The following HDAC9 variants were observed in gnomAD, a reference collection of about 807,000 sequenced individuals.
HDAC9 encodes MEF-2 interacting transcription repressor (MITR) protein.
In HDAC9, 41 loss-of-function variants were observed where a neutral mutation model predicts 139.4. The observed-to-expected ratio is 0.29, with a 90% CI of 0.23 to 0.38. HDAC9 has a LOEUF of 0.38. Ranked by LOEUF, HDAC9 falls within the 10% of genes least tolerant of loss-of-function variation. HDAC9 has a pLI of 1.00. For missense variants in HDAC9, 1,147 were observed against 1,297.0 expected (o/e 0.88, Z 1.78); for synonymous variants, 517 against 476.2 (o/e 1.09, Z -1.12).
chr7:18,596,023 A>G (rs1428795286), intron 6 of HDAC9, among the ~76,000 whole-genome samples: 1 of 152,090 alleles, frequency 6.6e-6, no homozygotes, highest in African/African-American at 2.4e-5. Context: ...ACAAATATGC[A>G]AGACATTTTC....
At chr7:18,108,287 G>A (rs1172246549) in intron 1 of HDAC9, among the ~76,000 whole-genome samples, 1 of 152,160 alleles carries the variant, frequency 6.6e-6, no homozygotes, top group African/African-American at 2.4e-5. Flanking sequence ...GCAATGACCA[G>A]GGAGTGTGGG....
At position 18,975,906 on chromosome 7, in the gene HDAC9, C is replaced by G. The variant is rs2129337898; in HGVS notation, c.3123C>G (p.Ala1041=). The G allele has an allele frequency of 6.2e-7, 1 of 1,613,892 alleles. No homozygotes were observed. Among genetic ancestry groups the G allele is most frequent in the Non-Finnish European group, 8.5e-7 (1 of 1,179,842 alleles). Reference sequence around the variant, plus strand: ...AGACAGAGACCGTTTCTGCCCTGGCCTCCCTAACAGTGGATGTGGAACAGC... The same window carrying G: ...AGACAGAGACCGTTTCTGCCCTGGCGTCCCTAACAGTGGATGTGGAACAGC... The part of the protein sequence containing the change: ...QEETETVSAL[A]SLTVDVEQPF... The change falls in exon 25 of 26, where the codon GCC becomes GCG. Residue 1041 remains alanine, a synonymous_variant. Transcript: ENST00000686413.
intron 2 of HDAC9, among the ~76,000 whole-genome samples, chr7:18,228,027 T>A (rs867777298): frequency 6.6e-6 from 1 of 152,170 alleles, no homozygotes; most frequent in African/African-American, 2.4e-5. Flanking sequence ...CCAGAATAAA[T>A]CAAAATAAAT....
chr7:18,706,064 C>T lies in HDAC9; in HGVS notation c.1732-21516C>T, dbSNP rs944795150. On this transcript the variant is annotated intron_variant, in intron 12 of 25. Transcript: ENST00000686413. Reference sequence around the variant, plus strand: ...ACGTGAATCCTTTCCCCAGTCTTTCCCACATGAATAGAAAATGTCCCATCT... The same window carrying T: ...ACGTGAATCCTTTCCCCAGTCTTTCTCACATGAATAGAAAATGTCCCATCT... Among the ~76,000 whole-genome samples, 46 of 151,622 alleles carry T rather than the reference C, an allele frequency of 3.0e-4. No homozygotes were observed. In the Middle Eastern group the frequency reaches 0.01, roughly 34 times the overall value.
chr7:18,549,614 T>A (rs947539636), intron 2 of HDAC9, among the ~76,000 whole-genome samples: 1 of 152,216 alleles, frequency 6.6e-6, no homozygotes, highest in Admixed American at 6.5e-5. Flanking sequence ...AACTTCCTGA[T>A]TTTGATATTG....
At chr7:18,644,616 T>C in intron 8 of HDAC9, 55 bp from the exon 9 acceptor site, 3 of 1,503,176 alleles carry the variant, frequency 2.0e-6, no homozygotes, top group Non-Finnish European at 2.7e-6. Flanking sequence ...GAGAACATTT[T>C]ACAGTAAAAT....
At chr7:18,605,222 TACAGA>T (rs1368941059) in intron 6 of HDAC9, among the ~76,000 whole-genome samples, 1 of 152,190 alleles carries the variant, frequency 6.6e-6, no homozygotes, top group Non-Finnish European at 1.5e-5. Flanking sequence ...ACTGTTATAA[TACAGA>T]ACCTGGTTGA....
intron 2 of HDAC9, among the ~76,000 whole-genome samples, chr7:18,519,273 C>T (rs962109268): frequency 6.6e-6 from 1 of 152,180 alleles, no homozygotes; most frequent in African/African-American, 2.4e-5. Context: ...TAATTGTTGA[C>T]TTGGTATTCT....
At chr7:18,908,799 T>A (rs1802496869) in intron 22 of HDAC9, among the ~76,000 whole-genome samples, 1 of 152,142 alleles carries the variant, frequency 6.6e-6, no homozygotes, top group African/African-American at 2.4e-5. Flanking sequence ...TCTCTATCCA[T>A]TCATCCATTA....
chr7:18,533,850 A>T (rs1199417485), intron 2 of HDAC9, among the ~76,000 whole-genome samples: 1 of 152,164 alleles, frequency 6.6e-6, no homozygotes, highest in Admixed American at 6.5e-5. Context: ...TTTCAGGTAG[A>T]TTTAGTTCAC....
At chr7:18,417,523 A>G (rs1233478100) in intron 1 of HDAC9, among the ~76,000 whole-genome samples, 3 of 152,094 alleles carry the variant, frequency 2.0e-5, no homozygotes, top group Non-Finnish European at 2.9e-5. Flanking sequence ...TCATACTCCT[A>G]TGAATCTTAG....
intron 24 of HDAC9, among the ~76,000 whole-genome samples, chr7:18,970,309 A>T (rs563491720): frequency 6.6e-6 from 1 of 152,130 alleles, no homozygotes; most frequent in East Asian, 1.9e-4. Flanking sequence ...GGTTCAGATA[A>T]TCAATATAAA....
At chr7:18,850,228 T>C (rs946038628) in intron 21 of HDAC9, among the ~76,000 whole-genome samples, 1 of 152,186 alleles carries the variant, frequency 6.6e-6, no homozygotes, top group Admixed American at 6.6e-5. Flanking sequence ...AAAAATACTT[T>C]CCTTGAATAG....
intron 2 of HDAC9, among the ~76,000 whole-genome samples, chr7:18,574,469 A>T (rs1460412105): frequency 6.6e-6 from 1 of 152,032 alleles, no homozygotes; most frequent in African/African-American, 2.4e-5. Flanking sequence ...ATAAGTTCTC[A>T]CTCTGGTCCA....
chr7:18,951,839 A>G (rs1191986201), intron 23 of HDAC9, among the ~76,000 whole-genome samples: 2 of 151,920 alleles, frequency 1.3e-5, no homozygotes, highest in Non-Finnish European at 2.9e-5. Flanking sequence ...AGATGTTGTT[A>G]GTGCCTATAA....
intron 25 of HDAC9, among the ~76,000 whole-genome samples, chr7:18,990,546 C>T (rs1042513658): frequency 6.6e-6 from 1 of 152,248 alleles, no homozygotes; most frequent in Non-Finnish European, 1.5e-5. Context: ...TAGAGGCAGG[C>T]AGGCCTCCTT....
intron 2 of HDAC9, among the ~76,000 whole-genome samples, chr7:18,214,388 C>T (rs1040674525): frequency 9.9e-5 from 15 of 152,190 alleles, no homozygotes; most frequent in African/African-American, 3.4e-4. Flanking sequence ...CTCTGGCCAT[C>T]TTCATATACT....
intron 12 of HDAC9, among the ~76,000 whole-genome samples, chr7:18,701,504 T>A (rs1478631135): frequency 3.3e-5 from 5 of 151,988 alleles, no homozygotes; most frequent in Non-Finnish European, 4.4e-5. Context: ...TATTTTCAGA[T>A]AAAGGCAATT....
chr7:18,831,623 AG>A (rs2129207671), intron 19 of HDAC9, among the ~76,000 whole-genome samples: 1 of 152,256 alleles, frequency 6.6e-6, no homozygotes, highest in Admixed American at 6.5e-5. Flanking sequence ...CTTACTTTCA[AG>A]TCTTCCAAAT....
Sources: allele counts gnomAD v4.1 joint callset (sites outside exome capture counted in the v4.1 genomes callset), GRCh38; gene constraint gnomAD v4.1.1; transcripts MANE v1.5; gene names NCBI Gene and HGNC (gene_info 2026-07-23, HGNC 2026-07-21).